Variants in LUC7L2 observed in about 807,000 individuals in gnomAD.
LUC7L2 encodes putative RNA-binding protein Luc7-like 2.
Under a neutral mutation model 52.8 loss-of-function variants are expected in LUC7L2, and 25 were observed. That is an observed-to-expected ratio of 0.47 (90% CI 0.34 to 0.66). The LOEUF (loss-of-function observed/expected upper bound fraction) is 0.66. Among genes scored for constraint, LUC7L2 ranks in the 30% least tolerant of loss-of-function variants. The pLI is 0.01. For missense variants in LUC7L2, 328 were observed against 497.8 expected, an observed-to-expected ratio of 0.66 and a Z score of 3.25; for synonymous variants, 144 against 160.9, an observed-to-expected ratio of 0.89 and a Z score of 0.80.
intron 1 of LUC7L2, among the ~76,000 whole-genome samples, chr7:139,362,025 A>G (rs1022947364): frequency 2.6e-5 from 4 of 151,578 alleles, no homozygotes; most frequent in African/African-American, 4.9e-5. Flanking sequence ...ATTTAAATAT[A>G]TATATTTCTG....
chr7:139,401,536 T>C (rs911183804), intron 3 of LUC7L2, among the ~76,000 whole-genome samples: 3 of 152,146 alleles, frequency 2.0e-5, no homozygotes, highest in Admixed American at 6.5e-5. Context: ...CACTGCAACC[T>C]CAGCCTCCCA....
rs7785408 is a variant in LUC7L2, at chr7:139,422,614, A to G, written c.*274A>G. 63 of 625,004 alleles carry G rather than the reference A, an allele frequency of 1.0e-4. No individual in the cohort carries two copies. In the African/African-American group the frequency reaches 1.1e-3, roughly 11 times the overall value. 38.7% of individuals were successfully genotyped at this position (625,004 alleles called of 1,614,324 possible). A position where few individuals can be genotyped will look rare whatever the true frequency, so the allele number is the denominator to read the frequency against. ...CTTTATTCTTTCAAGTAAGAGTGCT[A>G]GTGAACAAATTGTGTTACTTGCCTT... On this transcript the variant is annotated 3_prime_UTR_variant, in exon 10 of 10. Coordinates refer to ENST00000354926, the MANE Select transcript of LUC7L2 (RefSeq NM_016019.5).
intron 1 of LUC7L2, chr7:139,345,894 G>A (rs6948804): frequency 0.063 from 37,753 of 603,032 alleles, 4,536 homozygotes; most frequent in African/African-American, 0.4. Context: ...GCACTAGACT[G>A]ATGTTGTTTT....
At chr7:139,391,303 C>T (rs965046306) in intron 2 of LUC7L2, among the ~76,000 whole-genome samples, 1 of 152,192 alleles carries the variant, frequency 6.6e-6, no homozygotes, top group African/African-American at 2.4e-5. Flanking sequence ...ATTATATTCT[C>T]ATGCTGTTCT....
At chr7:139,357,356 C>A (rs6980169), upstream of LUC7L2, among the ~76,000 whole-genome samples, 25 of 149,414 alleles carry the variant, frequency 1.7e-4, no homozygotes, top group African/African-American at 6.2e-4. Context: ...CAATTTCACT[C>A]CTCAATTTTG....
chr7:139,419,679 G>C (rs567361240), intron 9 of LUC7L2, among the ~76,000 whole-genome samples: 1 of 152,260 alleles, frequency 6.6e-6, no homozygotes, highest in Non-Finnish European at 1.5e-5. Flanking sequence ...CCTAATCTGA[G>C]ATTGTGTTAT....
At chr7:139,402,672 G>A (rs9886058) in intron 4 of LUC7L2, among the ~76,000 whole-genome samples, 1,785 of 152,228 alleles carry the variant, frequency 0.012, 40 homozygotes, top group African/African-American at 0.041. Context: ...ACAGGTGTGC[G>A]TCACCAGGCC....
At chr7:139,360,350 G>C in intron 1 of LUC7L2, 28 bp downstream of exon 1, 2 of 1,548,118 alleles carry the variant, frequency 1.3e-6, no homozygotes, top group Non-Finnish European at 1.7e-6. Context: ...CCCTGGGGGT[G>C]GGGGAGGGGA....
At chr7:139,389,770 A>G (rs555775119) in intron 2 of LUC7L2, among the ~76,000 whole-genome samples, 5 of 152,350 alleles carry the variant, frequency 3.3e-5, no homozygotes, top group Admixed American at 6.5e-5. Context: ...GGCTGTTACA[A>G]TGATCAAGAA....
chr7:139,350,596 T>G (rs980564031), intron 1 of LUC7L2, among the ~76,000 whole-genome samples: 7 of 151,990 alleles, frequency 4.6e-5, no homozygotes, highest in African/African-American at 1.7e-4. Flanking sequence ...CTTAGTTATT[T>G]TTTATCTCGT....
intron 1 of LUC7L2, among the ~76,000 whole-genome samples, chr7:139,373,491 C>T (rs556264898): frequency 4.6e-5 from 7 of 152,206 alleles, no homozygotes; most frequent in Non-Finnish European, 8.8e-5. Context: ...CATTCATTTG[C>T]GGTGAGGAGT....
chr7:139,371,996 G>GGT, intron 1 of LUC7L2, among the ~76,000 whole-genome samples: 1 of 152,096 alleles, frequency 6.6e-6, no homozygotes, highest in East Asian at 1.9e-4. Flanking sequence ...GTTGTTGCTT[G>GGT]GTAGAGAATT....
At chr7:139,404,712 G>C (rs1451910182) in intron 4 of LUC7L2, among the ~76,000 whole-genome samples, 1 of 152,196 alleles carries the variant, frequency 6.6e-6, no homozygotes, top group Non-Finnish European at 1.5e-5. Context: ...AGTTAATCCT[G>C]GTGGAAAGCT....
At chr7:139,390,850 C>T (rs534983644) in intron 2 of LUC7L2, among the ~76,000 whole-genome samples, 11 of 152,304 alleles carry the variant, frequency 7.2e-5, no homozygotes, top group South Asian at 2.1e-4. Context: ...GCCACCATGC[C>T]GGGCCTAGAC....
chr7:139,343,630 A>G (rs1036451325), intron 1 of LUC7L2, among the ~76,000 whole-genome samples: 1 of 152,148 alleles, frequency 6.6e-6, no homozygotes, highest in African/African-American at 2.4e-5. Context: ...AACACTAGAT[A>G]TTCAAATAGA....
chr7:139,408,487 A>T (rs949703721), intron 6 of LUC7L2, among the ~76,000 whole-genome samples: 23 of 152,292 alleles, frequency 1.5e-4, no homozygotes, highest in Admixed American at 1.5e-3. Flanking sequence ...AAAAATACAA[A>T]ATAATACTAG....
intron 1 of LUC7L2, among the ~76,000 whole-genome samples, chr7:139,371,057 G>A (rs557255102): frequency 5.3e-5 from 8 of 152,274 alleles, no homozygotes; most frequent in East Asian, 1.9e-4. Flanking sequence ...ACTGTGACAC[G>A]TGACCCTTAA....
At chr7:139,360,525 C>G (rs1569366627) in intron 1 of LUC7L2, among the ~76,000 whole-genome samples, 1 of 152,188 alleles carries the variant, frequency 6.6e-6, no homozygotes. Flanking sequence ...TTGGCGGGAA[C>G]TGCTGCCAAT....
chr7:139,367,322 T>C (rs1285474815), intron 1 of LUC7L2, among the ~76,000 whole-genome samples: 1 of 152,186 alleles, frequency 6.6e-6, no homozygotes, highest in Non-Finnish European at 1.5e-5. Flanking sequence ...TTTTCCTTTA[T>C]GTCAACTCAC....
Sources: allele counts gnomAD v4.1 joint callset (sites outside exome capture counted in the v4.1 genomes callset), GRCh38; gene constraint gnomAD v4.1.1; transcripts MANE v1.5; gene names NCBI Gene and HGNC (gene_info 2026-07-23, HGNC 2026-07-21).